The following KHDRBS2 variants were observed in gnomAD, a reference collection of about 807,000 sequenced individuals.
KHDRBS2 encodes KH domain-containing, RNA-binding, signal transduction-associated protein 2.
Under a neutral mutation model 44.3 loss-of-function variants are expected in KHDRBS2, and 26 were observed. The ratio of observed to expected loss-of-function variants is 0.59; its 90% CI spans 0.43 to 0.81. KHDRBS2 has a LOEUF of 0.81. Among genes scored for constraint, KHDRBS2 ranks in the 40% least tolerant of loss-of-function variants. The pLI, the probability that KHDRBS2 is intolerant of heterozygous loss-of-function variation, is 0.00. For missense variants in KHDRBS2, 476 were observed against 433.1 expected, an observed-to-expected ratio of 1.10 and a Z score of -0.88; for synonymous variants, 194 against 151.1, an observed-to-expected ratio of 1.28 and a Z score of -2.08.
At chr6:62,051,341 T>A (rs1009987874) in intron 2 of KHDRBS2, among the ~76,000 whole-genome samples, 5 of 152,094 alleles carry the variant, frequency 3.3e-5, no homozygotes, top group Non-Finnish European at 7.4e-5. Flanking sequence ...TTTCTGTTTT[T>A]ACATTTAGGT....
chr6:62,220,147 T>C (rs930595465), intron 1 of KHDRBS2, among the ~76,000 whole-genome samples: 3 of 151,280 alleles, frequency 2.0e-5, no homozygotes, highest in Admixed American at 2.0e-4. Flanking sequence ...TCTCAAATAT[T>C]CCAAAAAAAA....
At chr6:61,795,435 A>T (rs1204726555) in intron 6 of KHDRBS2, among the ~76,000 whole-genome samples, 2 of 152,052 alleles carry the variant, frequency 1.3e-5, no homozygotes, top group Non-Finnish European at 2.9e-5. Flanking sequence ...GGAACTCTAT[A>T]CACTAAGAGC....
chr6:62,056,598 A>G (rs1278004572), intron 2 of KHDRBS2, among the ~76,000 whole-genome samples: 1 of 152,018 alleles, frequency 6.6e-6, no homozygotes, highest in Non-Finnish European at 1.5e-5. Flanking sequence ...TAAACATATT[A>G]TGTTGGATGT....
chr6:61,852,686 A>T (rs1795624968), intron 6 of KHDRBS2, among the ~76,000 whole-genome samples: 1 of 152,092 alleles, frequency 6.6e-6, no homozygotes, highest in Non-Finnish European at 1.5e-5. Context: ...GAAAGGATTT[A>T]TAAGGCTATC....
intron 1 of KHDRBS2, among the ~76,000 whole-genome samples, chr6:62,195,607 G>A (rs1825514841): frequency 6.6e-6 from 1 of 152,020 alleles, no homozygotes; most frequent in Non-Finnish European, 1.5e-5. Context: ...GTGAAATAAT[G>A]GCAGCACTCA....
chr6:62,099,750 C>T (rs1801438999), intron 2 of KHDRBS2, among the ~76,000 whole-genome samples: 1 of 152,124 alleles, frequency 6.6e-6, no homozygotes, highest in Non-Finnish European at 1.5e-5. Flanking sequence ...ATCCAAGGAC[C>T]ACATGCAGTA....
intron 6 of KHDRBS2, among the ~76,000 whole-genome samples, chr6:61,770,027 C>A (rs1780615227): frequency 6.6e-6 from 1 of 152,170 alleles, no homozygotes; most frequent in South Asian, 2.1e-4. Flanking sequence ...CTGCGGTTCA[C>A]CAATATCAGC....
At chr6:62,097,095 T>C (rs1484913300) in intron 2 of KHDRBS2, among the ~76,000 whole-genome samples, 2 of 151,954 alleles carry the variant, frequency 1.3e-5, no homozygotes, top group South Asian at 4.1e-4. Flanking sequence ...AAAAGATACC[T>C]GATATAATTT....
At chr6:61,564,600 G>A in the KHDRBS2 span, among the ~76,000 whole-genome samples, 17 of 151,996 alleles carry the variant, frequency 1.1e-4, no homozygotes, top group East Asian at 5.8e-4. Flanking sequence ...ATCAATATCC[G>A]AGAGAATGAA....
chr6:61,949,822 C>T (rs1326276431), intron 4 of KHDRBS2, among the ~76,000 whole-genome samples: 5 of 151,822 alleles, frequency 3.3e-5, no homozygotes, highest in African/African-American at 4.8e-5. Context: ...ATATATCTTC[C>T]TAAAAACAAA....
chr6:61,909,794 T>C (rs1313245536), intron 4 of KHDRBS2, among the ~76,000 whole-genome samples: 1 of 152,230 alleles, frequency 6.6e-6, no homozygotes, highest in Non-Finnish European at 1.5e-5. Context: ...ATTATTTCAC[T>C]TGCATATGGA....
chr6:61,577,610 A>G, the KHDRBS2 span, among the ~76,000 whole-genome samples: 2 of 152,172 alleles, frequency 1.3e-5, no homozygotes, highest in Non-Finnish European at 2.9e-5. Flanking sequence ...TCTTTTCCAA[A>G]TTATGACTTT....
At chr6:61,941,440 C>T (rs75128747) in intron 4 of KHDRBS2, among the ~76,000 whole-genome samples, 6,723 of 152,140 alleles carry the variant, frequency 0.044, 194 homozygotes, top group Middle Eastern at 0.088. Context: ...AGTAAGCCAC[C>T]CAGAGGCCTA....
chr6:61,875,842 T>C (rs1292735037), intron 6 of KHDRBS2, among the ~76,000 whole-genome samples: 10 of 152,062 alleles, frequency 6.6e-5, no homozygotes. Flanking sequence ...CAACTTTAAA[T>C]GTTATAATTA....
the KHDRBS2 span, among the ~76,000 whole-genome samples, chr6:61,615,167 A>T: frequency 7.2e-6 from 1 of 138,930 alleles, no homozygotes; most frequent in Admixed American, 7.9e-5. Flanking sequence ...CAGGAGGCAG[A>T]TGTTGCAGTG....
At chr6:62,196,594 G>A (rs555031413) in intron 1 of KHDRBS2, among the ~76,000 whole-genome samples, 13 of 52,962 alleles carry the variant, frequency 2.5e-4, no homozygotes, top group African/African-American at 2.4e-3. Context: ...TTGGGAAGAT[G>A]GAACACTCAA....
At chr6:61,754,826 T>C (rs1178528512) in intron 6 of KHDRBS2, among the ~76,000 whole-genome samples, 1 of 152,164 alleles carries the variant, frequency 6.6e-6, no homozygotes, top group Non-Finnish European at 1.5e-5. Context: ...ATTATAACTT[T>C]GAAGGTTAGT....
At chr6:62,194,802 C>T (rs1401091897) in intron 1 of KHDRBS2, among the ~76,000 whole-genome samples, 6 of 151,694 alleles carry the variant, frequency 4.0e-5, no homozygotes, top group Non-Finnish European at 8.8e-5. Flanking sequence ...TCACTGCACC[C>T]GGCCTACAAT....
intron 6 of KHDRBS2, among the ~76,000 whole-genome samples, chr6:61,773,858 A>G (rs1013184320): frequency 6.7e-6 from 1 of 150,330 alleles, no homozygotes; most frequent in Non-Finnish European, 1.5e-5. Context: ...AGCTTTCTAC[A>G]TATGGCTAGC....
Sources: allele counts gnomAD v4.1 joint callset (sites outside exome capture counted in the v4.1 genomes callset), GRCh38; gene constraint gnomAD v4.1.1; transcripts MANE v1.5; gene names NCBI Gene and HGNC (gene_info 2026-07-23, HGNC 2026-07-21).